RHPN2: variants seen among roughly 807,000 people sequenced by gnomAD.
The protein encoded by RHPN2 is rhophilin-2.
In RHPN2, 40 loss-of-function variants were observed where a neutral mutation model predicts 79.0. The ratio of observed to expected loss-of-function variants is 0.51; its 90% confidence interval spans 0.39 to 0.66. The LOEUF is 0.66. Among genes scored for constraint, RHPN2 ranks in the 30% least tolerant of loss-of-function variants. The pLI is 0.00. For synonymous variants in RHPN2, 285 were observed against 363.5 expected, an observed-to-expected ratio of 0.78 and a Z score of 2.46; for missense variants, 686 against 883.5, an observed-to-expected ratio of 0.78 and a Z score of 2.83.
chr19:33,011,105 C>A (rs2145237707), intron 6 of RHPN2, among the ~76,000 whole-genome samples: 1 of 152,300 alleles, frequency 6.6e-6, no homozygotes, highest in South Asian at 2.1e-4. Flanking sequence ...TGCTCTACTT[C>A]CTTTTTTTAA....
intron 6 of RHPN2, among the ~76,000 whole-genome samples, chr19:33,010,867 G>C (rs1042574028): frequency 3.3e-5 from 5 of 151,820 alleles, no homozygotes; most frequent in Non-Finnish European, 5.9e-5. Context: ...ATTGTTTGTA[G>C]ATATGGGGTT....
intron 1 of RHPN2, among the ~76,000 whole-genome samples, chr19:33,051,274 G>A (rs891507730): frequency 6.6e-6 from 1 of 152,104 alleles, no homozygotes; most frequent in Non-Finnish European, 1.5e-5. Context: ...CTACAGGTGC[G>A]AGCCACCGCA....
At chr19:33,050,872 A>G (rs916793286) in intron 1 of RHPN2, among the ~76,000 whole-genome samples, 3 of 151,628 alleles carry the variant, frequency 2.0e-5, no homozygotes, top group African/African-American at 7.3e-5. Context: ...TTATTGTGGG[A>G]TAGAATTCTA....
intron 3 of RHPN2, among the ~76,000 whole-genome samples, chr19:33,023,646 A>G (rs1463208823): frequency 1.3e-5 from 2 of 151,536 alleles, no homozygotes; most frequent in East Asian, 1.9e-4. Context: ...TTAGCCAGGC[A>G]AGGTGGCGGG....
intron 4 of RHPN2, among the ~76,000 whole-genome samples, chr19:33,015,053 T>C (rs1457795993): frequency 1.3e-5 from 2 of 151,870 alleles, no homozygotes; most frequent in African/African-American, 4.8e-5. Flanking sequence ...AAAGAGGATT[T>C]TGATTAAATT....
intron 14 of RHPN2, among the ~76,000 whole-genome samples, chr19:32,989,947 T>A (rs1399560597): frequency 6.6e-6 from 1 of 151,790 alleles, no homozygotes; most frequent in Non-Finnish European, 1.5e-5. Context: ...CTACTAAAAA[T>A]ACAAAAAATT....
intron 1 of RHPN2, among the ~76,000 whole-genome samples, chr19:33,062,499 G>A (rs1230790212): frequency 6.7e-6 from 1 of 150,344 alleles, no homozygotes; most frequent in African/African-American, 2.5e-5. Flanking sequence ...GCCGGGCGCA[G>A]TGGCTTACAC....
rs1467051470 is a variant in RHPN2, at chr19:33,064,828, C to T, written c.25G>A (p.Ala9Thr). The T allele has an allele frequency of 2.4e-6, 3 of 1,268,510 alleles. No individual in the cohort carries two copies. The highest frequency in any genetic ancestry group is 5.4e-5 in the Admixed American group (2 of 37,238). 78.6% of individuals were successfully genotyped at this position (1,268,510 alleles called of 1,614,324 possible). Residue 9 changes from alanine (A) to threonine (T), a missense_variant, in exon 1 of 15, where the codon GCC becomes ACC. Ala to Thr is a moderately conservative substitution (Grantham distance 58, BLOSUM62 0). Coordinates refer to ENST00000254260, the MANE Select transcript of RHPN2 (RefSeq NM_033103.5). ...TTCTCCTTCTCCAGCGGCTGGGGGG[C>T]CGCGGGCAACAGCGCGTCGGTCATG... is the stretch of plus-strand genomic sequence containing the variant. MTDALLPA[A>T]PQPLEKENDG...
At chr19:33,064,537 C>T (rs867299097) in intron 1 of RHPN2, among the ~76,000 whole-genome samples, 4 of 152,256 alleles carry the variant, frequency 2.6e-5, no homozygotes, top group South Asian at 2.1e-4. Context: ...CGCACCTGCG[C>T]GGAGCGGCCA....
intron 3 of RHPN2, 50 bp from the exon 4 acceptor site, chr19:33,021,696 G>A (rs1264796280): frequency 1.4e-6 from 2 of 1,455,416 alleles, no homozygotes; most frequent in Non-Finnish European, 1.9e-6. Context: ...CCGGACCCCT[G>A]TGCACCCCAC....
intron 11 of RHPN2, 83 bp from the exon 12 acceptor site, chr19:32,994,136 C>A: frequency 9.8e-7 from 1 of 1,022,950 alleles, no homozygotes; most frequent in Middle Eastern, 2.1e-4. Flanking sequence ...TGGCTCACGC[C>A]TGTAATCCCA....
chr19:33,026,673 T>C (rs1235016045), intron 2 of RHPN2, 41 bp from the exon 3 acceptor site: 1 of 1,591,050 alleles, frequency 6.3e-7, no homozygotes, highest in South Asian at 1.1e-5. Context: ...CTCAGCCAGG[T>C]ATCCTGGCTT....
intron 10 of RHPN2, among the ~76,000 whole-genome samples, chr19:32,997,871 CA>C (rs577690124): frequency 6.5e-4 from 99 of 152,292 alleles, no homozygotes; most frequent in African/African-American, 2.3e-3. Flanking sequence ...GGCCCTGGGG[CA>C]GGGGCACGTG....
intron 14 of RHPN2, among the ~76,000 whole-genome samples, chr19:32,982,801 C>A (rs565970726): frequency 1.3e-5 from 2 of 152,218 alleles, no homozygotes; most frequent in Non-Finnish European, 2.9e-5. Context: ...CCAAGGCTTC[C>A]CTTGGAATTC....
intron 6 of RHPN2, among the ~76,000 whole-genome samples, chr19:33,008,760 C>T (rs1253584841): frequency 3.9e-5 from 6 of 152,162 alleles, no homozygotes; most frequent in African/African-American, 9.6e-5. Context: ...ACAACAACAA[C>T]AACAAACTCA....
intron 4 of RHPN2, among the ~76,000 whole-genome samples, chr19:33,015,217 G>C (rs1025685301): frequency 6.6e-6 from 1 of 152,108 alleles, no homozygotes; most frequent in Non-Finnish European, 1.5e-5. Context: ...TTGAGGCCAA[G>C]AGTTCAAGAC....
chr19:33,044,430 A>C, intron 1 of RHPN2, 66 bp from the exon 2 acceptor site: 1 of 972,722 alleles, frequency 1.0e-6, no homozygotes, highest in South Asian at 1.3e-5. Context: ...AGGGTTTAAT[A>C]TAATGGAAAA....
intron 1 of RHPN2, among the ~76,000 whole-genome samples, chr19:33,056,838 A>G (rs1972236542): frequency 6.6e-6 from 1 of 151,752 alleles, no homozygotes; most frequent in East Asian, 1.9e-4. Context: ...GGCCGGGCGC[A>G]GTGGCTCACG....
At position 32,979,944 on chromosome 19, in the gene RHPN2, G is replaced by A; in HGVS notation, c.*52C>T. The A allele has an allele frequency of 1.2e-6, 2 of 1,603,310 alleles. No homozygotes were observed. The highest frequency in any genetic ancestry group is 1.1e-5 in the South Asian group (1 of 90,774). ...TTCCATTATGGCACAAACGTTTAAG[G>A]CCGAGTCAGCACCGGAAATGTTCAG... On this transcript the variant is annotated 3_prime_UTR_variant, in exon 15 of 15. Transcript: ENST00000254260.
Sources: allele counts gnomAD v4.1 joint callset (sites outside exome capture counted in the v4.1 genomes callset), GRCh38; gene constraint gnomAD v4.1.1; transcripts MANE v1.5; gene names NCBI Gene and HGNC (gene_info 2026-07-23, HGNC 2026-07-21).